The following HHLA2 variants were observed in gnomAD, a reference collection of about 807,000 sequenced individuals.
HHLA2 encodes the protein HHLA2 member of B7 family, also known as HERV-H LTR-associating protein 2.
Under a neutral mutation model 45.9 loss-of-function variants are expected in HHLA2, and 48 were observed. The observed-to-expected ratio is 1.05, with a 90% CI of 0.83 to 1.33. The LOEUF is 1.33. HHLA2 is among the 40% of genes most tolerant of loss of function. The pLI is 0.00. For synonymous variants in HHLA2, 161 were observed against 173.9 expected (o/e 0.93, Z 0.59); for missense variants, 462 against 494.3 (o/e 0.93, Z 0.62).
At chr3:108,368,772 C>T (rs1282627512) in intron 8 of HHLA2, among the ~76,000 whole-genome samples, 2 of 152,044 alleles carry the variant, frequency 1.3e-5, no homozygotes, top group South Asian at 2.1e-4. Flanking sequence ...GACTCTCACA[C>T]AATAATAGTG....
At chr3:108,341,260 CTT>C (rs1462946671) in intron 3 of HHLA2, among the ~76,000 whole-genome samples, 1 of 152,122 alleles carries the variant, frequency 6.6e-6, no homozygotes, top group Non-Finnish European at 1.5e-5. Context: ...GCCTCAAACT[CTT>C]TTCTTGTATA....
At chr3:108,371,121 C>A (rs2082162530) in intron 8 of HHLA2, among the ~76,000 whole-genome samples, 2 of 152,214 alleles carry the variant, frequency 1.3e-5, no homozygotes, top group Non-Finnish European at 2.9e-5. Flanking sequence ...AGACTAACAG[C>A]TGATCTCTTG....
At chr3:108,348,291 C>T (rs2081705902) in intron 3 of HHLA2, among the ~76,000 whole-genome samples, 1 of 152,086 alleles carries the variant, frequency 6.6e-6, no homozygotes, top group African/African-American at 2.4e-5. Flanking sequence ...AGGCAGGTAA[C>T]AGTCAATTAC....
chr3:108,369,752 GC>G (rs1193338411), intron 8 of HHLA2, among the ~76,000 whole-genome samples: 2 of 152,204 alleles, frequency 1.3e-5, no homozygotes, highest in African/African-American at 4.8e-5. Flanking sequence ...CAAGGCAGCA[GC>G]GAGCCTGGGG....
intron 3 of HHLA2, among the ~76,000 whole-genome samples, chr3:108,345,595 G>A (rs547612411): frequency 3.7e-4 from 56 of 152,224 alleles, no homozygotes; most frequent in Admixed American, 8.5e-4. Context: ...CAGCTGACCC[G>A]TCTCCTCTGG....
intron 2 of HHLA2, chr3:108,326,901 A>G (rs1244087775): frequency 2.0e-5 from 3 of 152,176 alleles, no homozygotes; most frequent in Non-Finnish European, 4.4e-5. Context: ...AATTTGCCCT[A>G]TATTCATAGC....
At chr3:108,362,283 T>G in intron 7 of HHLA2, 59 bp from the exon 7 acceptor site, 1 of 1,292,022 alleles carries the variant, frequency 7.7e-7, no homozygotes, top group Non-Finnish European at 1.1e-6. Flanking sequence ...ACCCACACAT[T>G]TCTTATCTGG....
At chr3:108,335,722 A>C (rs1484588928) in intron 3 of HHLA2, among the ~76,000 whole-genome samples, 1 of 152,146 alleles carries the variant, frequency 6.6e-6, no homozygotes, top group Non-Finnish European at 1.5e-5. Context: ...TGACGGTATG[A>C]ATGCGTATTC....
chr3:108,323,382 C>T (rs145941855), intron 2 of HHLA2, among the ~76,000 whole-genome samples: 2 of 151,858 alleles, frequency 1.3e-5, no homozygotes, highest in South Asian at 2.1e-4. Context: ...TCTCATGTAC[C>T]CCATAAATAT....
intron 10 of HHLA2, 27 bp downstream of exon 9, chr3:108,376,584 C>T: frequency 6.3e-7 from 1 of 1,590,408 alleles, no homozygotes; most frequent in Non-Finnish European, 8.6e-7. Context: ...TTTATCAAAC[C>T]ATATACAGTA....
At chr3:108,358,824 G>A (rs2081942210) in intron 7 of HHLA2, among the ~76,000 whole-genome samples, 1 of 152,024 alleles carries the variant, frequency 6.6e-6, no homozygotes, top group Non-Finnish European at 1.5e-5. Context: ...CTTCAATAAA[G>A]GTATTTGAAC....
chr3:108,358,177 G>A lies in HHLA2; in HGVS notation c.1003+16G>A, dbSNP rs1351028973. Reference sequence around the variant, plus strand: ...GTGCATGTAGGTAAGTTGCAAGTAGGTTTGGATAATGGGTTTTGGCTGTAG... The same window carrying A: ...GTGCATGTAGGTAAGTTGCAAGTAGATTTGGATAATGGGTTTTGGCTGTAG... On this transcript the variant is annotated intron_variant, in intron 7 of 10. Transcript: ENST00000619531. The A allele has an allele frequency of 6.4e-7, 1 of 1,573,154 alleles. No homozygotes were observed. Among genetic ancestry groups the A allele is most frequent in the Non-Finnish European group, 8.7e-7 (1 of 1,155,096 alleles).
At chr3:108,321,780 A>T (rs930363134) in intron 2 of HHLA2, among the ~76,000 whole-genome samples, 1 of 151,684 alleles carries the variant, frequency 6.6e-6, no homozygotes, top group African/African-American at 2.4e-5. Context: ...TAGAGTTGTC[A>T]CCTGATTTTA....
intron 7 of HHLA2, among the ~76,000 whole-genome samples, chr3:108,359,298 A>C (rs2081950501): frequency 6.6e-6 from 1 of 152,102 alleles, no homozygotes; most frequent in South Asian, 2.1e-4. Flanking sequence ...CATCTCTGAC[A>C]AAAGAGTATT....
In HHLA2 at chr3:108,322,053, C is replaced by T. The variant is rs369010332; in HGVS notation, c.-104-6217C>T. Among the ~76,000 whole-genome samples, 41 of 152,100 alleles carry T rather than the reference C, an allele frequency of 2.7e-4. 1 individual carries two copies. The highest frequency in any genetic ancestry group is 9.2e-4 in the African/African-American group (38 of 41,484). On this transcript the variant is annotated intron_variant, in intron 2 of 10. Coordinates refer to ENST00000619531, the Ensembl canonical transcript of HHLA2. ...CTTGCTTGCATATTTTTATTTACTCCAGGATGTCTTTTTGTAAGGGAGGTT... is the reference window on the plus strand; with the variant it reads ...CTTGCTTGCATATTTTTATTTACTCTAGGATGTCTTTTTGTAAGGGAGGTT...
chr3:108,305,113 T>A (rs1238728645), intron 1 of HHLA2, among the ~76,000 whole-genome samples: 2 of 152,232 alleles, frequency 1.3e-5, no homozygotes, highest in East Asian at 3.8e-4. Context: ...TATTTTTTTC[T>A]GCATGGATTC....
intron 3 of HHLA2, among the ~76,000 whole-genome samples, chr3:108,334,827 A>G (rs568129093): frequency 6.6e-6 from 1 of 152,274 alleles, no homozygotes; most frequent in East Asian, 1.9e-4. Context: ...AGGTCACCTT[A>G]TGGAAGCTGG....
intron 3 of HHLA2, among the ~76,000 whole-genome samples, chr3:108,348,804 CCA>C (rs2081719550): frequency 6.6e-6 from 1 of 151,930 alleles, no homozygotes; most frequent in South Asian, 2.1e-4. Context: ...CCCTAGCCCC[CCA>C]CCCCCTGACA....
intron 3 of HHLA2, among the ~76,000 whole-genome samples, chr3:108,344,402 T>G (rs1419696173): frequency 6.6e-6 from 1 of 152,226 alleles, no homozygotes; most frequent in Non-Finnish European, 1.5e-5. Flanking sequence ...TTCATCTTTG[T>G]TGTGACTTGC....
Sources: gnomAD v4.1 joint callset for allele counts (sites outside exome capture counted in the v4.1 genomes callset) on GRCh38, gnomAD v4.1.1 for gene constraint, MANE v1.5 for transcripts, NCBI Gene and HGNC (gene_info 2026-07-23, HGNC 2026-07-21) for gene names.